MAGI2: variants seen among roughly 807,000 people sequenced by gnomAD.
The protein encoded by MAGI2 is membrane associated guanylate kinase, WW and PDZ domain containing 2, also known as membrane-associated guanylate kinase, WW and PDZ domain-containing protein 2.
In MAGI2, 35 loss-of-function variants were observed where a neutral mutation model predicts 133.3. The observed-to-expected ratio is 0.26, with a 90% CI of 0.20 to 0.35. MAGI2 has a LOEUF of 0.35. Ranked by LOEUF, MAGI2 falls within the 10% of genes least tolerant of loss-of-function variation. The pLI is 1.00. For missense variants in MAGI2, 1,636 were observed against 1,863.4 expected (o/e 0.88, Z 2.25); for synonymous variants, 729 against 710.6 (o/e 1.03, Z -0.41).
At chr7:78,323,655 C>T (rs937708154) in intron 9 of MAGI2, among the ~76,000 whole-genome samples, 5 of 152,062 alleles carry the variant, frequency 3.3e-5, no homozygotes, top group Admixed American at 6.5e-5. Flanking sequence ...TTGTTCCCCC[C>T]GGCCCCATAG....
At chr7:78,941,564 G>A (rs1019933666) in intron 2 of MAGI2, among the ~76,000 whole-genome samples, 17 of 152,102 alleles carry the variant, frequency 1.1e-4, no homozygotes, top group African/African-American at 3.6e-4. Flanking sequence ...TCGAACTCCT[G>A]GCCTCAAGCC....
At chr7:79,037,899 G>A (rs1811267582) in intron 1 of MAGI2, among the ~76,000 whole-genome samples, 1 of 152,092 alleles carries the variant, frequency 6.6e-6, no homozygotes, top group Non-Finnish European at 1.5e-5. Flanking sequence ...ATCTTATGAT[G>A]CCATTTAACA....
At position 79,322,532 on chromosome 7, in the gene MAGI2, G is replaced by T. The variant is rs543428747; in HGVS notation, c.301+130488C>A. Among the ~76,000 whole-genome samples the T allele has an allele frequency of 2.2e-4, 34 of 152,010 alleles. 1 individual carries two copies. The South Asian group carries it at 7.1e-3, about 32-fold the overall frequency. On this transcript the variant is annotated intron_variant, in intron 1 of 21. Coordinates refer to ENST00000354212, the MANE Select transcript of MAGI2 (RefSeq NM_012301.4). ...ACAATAATGAAAAAAAAAAATTAGG[G>T]CTTAGCACTTTGGGAGGCCAAGGTG... is the stretch of plus-strand genomic sequence containing the variant.
At chr7:78,106,390 T>C (rs867485112) in intron 20 of MAGI2, among the ~76,000 whole-genome samples, 45 of 152,082 alleles carry the variant, frequency 3.0e-4, no homozygotes, top group African/African-American at 1.1e-3. Context: ...GATTTCTGGA[T>C]CATATAGTTC....
intron 9 of MAGI2, among the ~76,000 whole-genome samples, chr7:78,274,045 G>A (rs1023020149): frequency 9.2e-5 from 14 of 152,252 alleles, no homozygotes; most frequent in Non-Finnish European, 2.9e-5. Context: ...CAGCCTTTTT[G>A]CACTGGTTTC....
intron 9 of MAGI2, among the ~76,000 whole-genome samples, chr7:78,314,281 T>C (rs1307733098): frequency 6.6e-6 from 1 of 152,174 alleles, no homozygotes; most frequent in Non-Finnish European, 1.5e-5. Flanking sequence ...GATTAAGTAT[T>C]TATTAATGCC....
At chr7:78,285,918 C>T (rs1446971326) in intron 9 of MAGI2, 1 of 152,068 alleles carries the variant, frequency 6.6e-6, no homozygotes, top group African/African-American at 2.4e-5. Context: ...CAGGTTCCAT[C>T]CCATGTCACT....
Position 78,210,776 on chromosome 7 carries a change from C to A in MAGI2, c.2048-9583G>T, listed in dbSNP as rs147272966. On this transcript the variant is annotated intron_variant, in intron 10 of 21. Transcript: ENST00000354212. ...AACAGAGATCCAAGTAGAAAGAAAG[C>A]TTCAAGAAGTAGTAGATGTAAATAT... is the stretch of plus-strand genomic sequence containing the variant. Among the ~76,000 whole-genome samples the A allele has an allele frequency of 6.2e-3, 942 of 152,208 alleles. 8 individuals are homozygous for A. The highest frequency in any genetic ancestry group is 0.022 in the African/African-American group (898 of 41,536).
intron 1 of MAGI2, among the ~76,000 whole-genome samples, chr7:79,255,978 T>C (rs894047342): frequency 2.9e-4 from 44 of 152,196 alleles, no homozygotes; most frequent in African/African-American, 9.9e-4. Flanking sequence ...AACACTTTAA[T>C]ATAAGCAGTG....
At chr7:78,879,577 G>T (rs1795685735) in intron 2 of MAGI2, among the ~76,000 whole-genome samples, 1 of 151,998 alleles carries the variant, frequency 6.6e-6, no homozygotes, top group Non-Finnish European at 1.5e-5. Flanking sequence ...AAGAAAAAAA[G>T]TAAAAAATCC....
At chr7:78,681,111 G>A (rs1317577610) in intron 2 of MAGI2, among the ~76,000 whole-genome samples, 1 of 152,032 alleles carries the variant, frequency 6.6e-6, no homozygotes, top group African/African-American at 2.4e-5. Flanking sequence ...CCCCCGACAA[G>A]ATGCTAATAG....
At chr7:78,774,488 G>T (rs771192178) in intron 2 of MAGI2, among the ~76,000 whole-genome samples, 2 of 152,142 alleles carry the variant, frequency 1.3e-5, no homozygotes, top group Non-Finnish European at 2.9e-5. Flanking sequence ...TCACTTCTTT[G>T]ATTCTTCCTG....
intron 6 of MAGI2, among the ~76,000 whole-genome samples, chr7:78,409,809 A>G (rs1797707731): frequency 6.6e-6 from 1 of 152,166 alleles, no homozygotes; most frequent in Non-Finnish European, 1.5e-5. Flanking sequence ...CCCCGACCCG[A>G]GTCTCTGGCG....
At chr7:79,245,009 A>G (rs1156942986) in intron 1 of MAGI2, among the ~76,000 whole-genome samples, 3 of 152,160 alleles carry the variant, frequency 2.0e-5, no homozygotes, top group Non-Finnish European at 2.9e-5. Context: ...TGACATTTCT[A>G]GATACACCCT....
intron 6 of MAGI2, among the ~76,000 whole-genome samples, chr7:78,450,452 T>C (rs1182243045): frequency 6.6e-6 from 1 of 152,074 alleles, no homozygotes; most frequent in Non-Finnish European, 1.5e-5. Context: ...CAAATAAGTG[T>C]TCCATAATTT....
At chr7:78,921,238 A>G (rs1584396261) in intron 2 of MAGI2, among the ~76,000 whole-genome samples, 1 of 152,144 alleles carries the variant, frequency 6.6e-6, no homozygotes, top group Non-Finnish European at 1.5e-5. Flanking sequence ...TCTTCTGTTA[A>G]TCACTTTTAT....
intron 18 of MAGI2, among the ~76,000 whole-genome samples, chr7:78,131,657 C>T (rs1396984395): frequency 6.6e-6 from 1 of 152,166 alleles, no homozygotes; most frequent in Admixed American, 6.5e-5. Flanking sequence ...AACATGTCTT[C>T]ATCTTTCTCT....
chr7:78,532,109 G>A (rs1278913004), intron 3 of MAGI2, among the ~76,000 whole-genome samples: 1 of 152,066 alleles, frequency 6.6e-6, no homozygotes, highest in Non-Finnish European at 1.5e-5. Context: ...CTGTGAACCG[G>A]GCAGCAACCT....
chr7:78,352,924 A>G (rs1369055535), intron 7 of MAGI2: 2 of 152,248 alleles, frequency 1.3e-5, no homozygotes, highest in Non-Finnish European at 2.9e-5. Context: ...CCTAGCAGAC[A>G]TGGCCGTGTG....
Sources: gnomAD v4.1 joint callset for allele counts (sites outside exome capture counted in the v4.1 genomes callset) on GRCh38, gnomAD v4.1.1 for gene constraint, MANE v1.5 for transcripts, NCBI Gene and HGNC (gene_info 2026-07-23, HGNC 2026-07-21) for gene names.